The following SCN2A variants were observed in gnomAD, a reference collection of about 807,000 sequenced individuals.
SCN2A encodes the protein sodium channel protein type 2 subunit alpha.
A neutral mutation model predicts 188.7 loss-of-function variants in SCN2A; 20 were observed. The ratio of observed to expected loss-of-function variants is 0.11; its 90% confidence interval spans 0.07 to 0.15. The LOEUF is 0.15. Ranked by LOEUF, SCN2A falls within the 10% of genes least tolerant of loss-of-function variation. SCN2A has a pLI of 1.00. For synonymous variants in SCN2A, 804 were observed against 833.1 expected (o/e 0.97, Z 0.60); for missense variants, 1,278 against 2,445.0 (o/e 0.52, Z 10.07).
intron 25 of SCN2A, among the ~76,000 whole-genome samples, chr2:165,385,873 C>T (rs774949107): frequency 5.7e-4 from 87 of 152,046 alleles, no homozygotes; most frequent in African/African-American, 2.1e-3. Flanking sequence ...AAAATTAATA[C>T]CCTCCCAACA....
intron 11 of SCN2A, among the ~76,000 whole-genome samples, chr2:165,316,795 T>C (rs1697776920): frequency 6.6e-6 from 1 of 152,196 alleles, no homozygotes; most frequent in Non-Finnish European, 1.5e-5. Flanking sequence ...TGTAGAATAG[T>C]ATTATTTTCA....
Position 165,380,648 on chromosome 2 carries a change from C to T in SCN2A, c.4365C>T (p.Ile1455=), listed in dbSNP as rs753284062. 1.3e-6 allele frequency: 2 copies of T among 1,587,366 alleles called. No homozygotes were observed. The highest frequency in any genetic ancestry group is 2.2e-5 in the South Asian group (2 of 90,406). ...DNLYMYLYFV[I]FIIFGSFFTL... is the part of the protein sequence containing the mutation. ...TGTACATGTATCTTTATTTTGTCAT[C>T]TTTATTATTTTTGGTTCATTCTTTA... is the stretch of plus-strand genomic sequence containing the variant. Residue 1455 remains isoleucine, a synonymous_variant, in exon 24 of 27, where the codon ATC becomes ATT. Transcript: ENST00000375437.
intron 11 of SCN2A, among the ~76,000 whole-genome samples, chr2:165,320,837 G>A (rs563636513): frequency 1.1e-4 from 16 of 152,278 alleles, no homozygotes; most frequent in South Asian, 1.0e-3. Flanking sequence ...AGCCTGTGAC[G>A]GGAGGGGCTG....
chr2:165,279,963 C>G (rs984128990), intron 1 of SCN2A, among the ~76,000 whole-genome samples: 1 of 152,126 alleles, frequency 6.6e-6, no homozygotes, highest in Non-Finnish European at 1.5e-5. Flanking sequence ...AGCCCTTTTT[C>G]TTTGCCTGCC....
chr2:165,323,697 G>A (rs937951574), intron 12 of SCN2A, among the ~76,000 whole-genome samples, 197 bp downstream of exon 12: 1 of 152,128 alleles, frequency 6.6e-6, no homozygotes, highest in Non-Finnish European at 1.5e-5. Flanking sequence ...ACCTAGGTTG[G>A]CTGTCAGAGA....
At chr2:165,386,439 G>A (rs1442265937) in intron 25 of SCN2A, among the ~76,000 whole-genome samples, 1 of 151,932 alleles carries the variant, frequency 6.6e-6, no homozygotes, top group African/African-American at 2.4e-5. Context: ...ACTCCAACCT[G>A]TGCAACAGAG....
chr2:165,310,570 C>T lies in SCN2A; in HGVS notation c.945C>T (p.Asn315=). 6.2e-7 allele frequency: 1 copy of T among 1,611,744 alleles called. No homozygotes were observed. Among genetic ancestry groups the T allele is most frequent in the Non-Finnish European group, 8.5e-7 (1 of 1,178,318 alleles). ...TCAATAGGACAGTGAGCATATTTAA[C>T]TGGGATGAATATATTGAGGATAAAA... ...TTFNRTVSIF[N]WDEYIEDKSH... The change falls in exon 7 of 27, where the codon AAC becomes AAT. Residue 315 remains asparagine (N), a synonymous_variant. Coordinates refer to ENST00000375437, the MANE Select transcript of SCN2A (RefSeq NM_001040142.2).
chr2:165,313,881 A>C, intron 9 of SCN2A, 21 bp from the exon 10 acceptor site: 1 of 1,613,394 alleles, frequency 6.2e-7, no homozygotes, highest in Non-Finnish European at 8.5e-7. Context: ...AATTTATTAA[A>C]ATCTCTCTTC....
In SCN2A at chr2:165,306,961, T is replaced by C. The variant is rs75554756; in HGVS notation, c.387-887T>C. ...TGCTTTTTATTAAATATGAAAGTCA[T>C]TACTATTATCTGATACTGAATATTT... On this transcript the variant is annotated intron_variant, in intron 3 of 26. Transcript: ENST00000375437. Among the ~76,000 whole-genome samples the C allele has an allele frequency of 5.0e-3, 763 of 152,306 alleles. 5 individuals carry two copies. Among genetic ancestry groups the C allele is most frequent in the African/African-American group, 0.018 (730 of 41,564 alleles).
intron 1 of SCN2A, among the ~76,000 whole-genome samples, chr2:165,240,659 CTGTGTG>C (rs35247335): frequency 1.1e-3 from 150 of 136,458 alleles, no homozygotes; most frequent in East Asian, 4.7e-3. Flanking sequence ...GTGGAAAGAG[CTGTGTG>C]TGTGTGTGTG....
At chr2:165,312,189 A>C in intron 8 of SCN2A, 101 bp downstream of exon 8, 1 of 842,048 alleles carries the variant, frequency 1.2e-6, no homozygotes, top group Non-Finnish European at 2.0e-6. Flanking sequence ...CTCACTCAAA[A>C]CCCTCCATAA....
intron 1 of SCN2A, among the ~76,000 whole-genome samples, chr2:165,253,934 T>C (rs1446478102): frequency 6.6e-6 from 1 of 152,012 alleles, no homozygotes; most frequent in African/African-American, 2.4e-5. Context: ...CCTTTACTTA[T>C]TTCTAACTAA....
chr2:165,384,788 T>C (rs1026217224), intron 25 of SCN2A, among the ~76,000 whole-genome samples: 2 of 152,126 alleles, frequency 1.3e-5, no homozygotes, highest in African/African-American at 4.8e-5. Flanking sequence ...TGAGTTAGAA[T>C]TCATGAGACA....
Position 165,315,684 on chromosome 2 carries a change from A to G in SCN2A, c.1597A>G (p.Arg533Gly). ...VRKSESEDSIRRKGFRFSLEG... is the reference protein window; with the variant it reads ...VRKSESEDSIGRKGFRFSLEG... Reference sequence around the variant, plus strand: ...AAAATCGGAATCTGAAGACAGCATAAGAAGAAAAGGTTTCCGTTTTTCCTT... The same window carrying G: ...AAAATCGGAATCTGAAGACAGCATAGGAAGAAAAGGTTTCCGTTTTTCCTT... Residue 533 changes from arginine to glycine, a missense_variant, in exon 11 of 27, where the codon AGA becomes GGA. Physicochemically the swap from Arg to Gly is moderately radical, Grantham distance 125 (BLOSUM62 -2). Coordinates refer to ENST00000375437, the MANE Select transcript of SCN2A (RefSeq NM_001040142.2). The G allele has an allele frequency of 6.2e-7, 1 of 1,613,992 alleles. No individual in the cohort carries two copies. Among genetic ancestry groups the G allele is most frequent in the Non-Finnish European group, 8.5e-7 (1 of 1,179,964 alleles).
intron 10 of SCN2A, among the ~76,000 whole-genome samples, chr2:165,314,946 A>C (rs1485640204): frequency 6.6e-6 from 1 of 152,090 alleles, no homozygotes; most frequent in South Asian, 2.1e-4. Context: ...TCAAATAAAC[A>C]CTCTGTATTA....
At chr2:165,355,523 C>T (rs1307743484) in intron 17 of SCN2A, among the ~76,000 whole-genome samples, 1 of 151,982 alleles carries the variant, frequency 6.6e-6, no homozygotes, top group Non-Finnish European at 1.5e-5. Flanking sequence ...GACAAGATTT[C>T]CAGTAATTAA....
At chr2:165,380,932 A>G in intron 24 of SCN2A, 161 bp from the exon 25 acceptor site, 1 of 677,110 alleles carries the variant, frequency 1.5e-6, no homozygotes, top group Non-Finnish European at 2.5e-6. Context: ...AAATATGACT[A>G]ATATGGCATA....
At position 165,309,570 on chromosome 2, in the gene SCN2A, C is replaced by T. The variant is rs923225919; in HGVS notation, c.697+127C>T. 23 of 1,139,424 alleles carry T rather than the reference C, an allele frequency of 2.0e-5. No individual in the cohort carries two copies. In the Admixed American group the frequency reaches 3.2e-4, roughly 16 times the overall value. 70.6% of individuals were successfully genotyped at this position (1,139,424 alleles called of 1,614,324 possible). A position where few individuals can be genotyped will look rare whatever the true frequency, so the allele number is the denominator to read the frequency against. On this transcript the variant is annotated intron_variant, in intron 6 of 26. Transcript: ENST00000375437. Reference sequence around the variant, plus strand: ...ATATGTAAAAAAGCAAGAATTGGTACATCATTTTTTGGATGGATTTGATTC... The same window carrying T: ...ATATGTAAAAAAGCAAGAATTGGTATATCATTTTTTGGATGGATTTGATTC...
intron 1 of SCN2A, among the ~76,000 whole-genome samples, chr2:165,243,301 G>A (rs1164646302): frequency 6.6e-6 from 1 of 152,058 alleles, no homozygotes; most frequent in African/African-American, 2.4e-5. Flanking sequence ...CAGGACTTGT[G>A]TAGAGAGAGT....
Sources: gnomAD v4.1 joint callset for allele counts (sites outside exome capture counted in the v4.1 genomes callset) on GRCh38, gnomAD v4.1.1 for gene constraint, MANE v1.5 for transcripts, NCBI Gene and HGNC (gene_info 2026-07-23, HGNC 2026-07-21) for gene names.